ERC2: variants seen among roughly 807,000 people sequenced by gnomAD.
The protein encoded by ERC2 is ERC protein 2.
A neutral mutation model predicts 114.8 loss-of-function variants in ERC2; 42 were observed. The ratio of observed to expected loss-of-function variants is 0.37; its 90% CI spans 0.29 to 0.47. The LOEUF is 0.47. Among genes scored for constraint, ERC2 ranks in the 20% least tolerant of loss-of-function variants. The probability of loss-of-function intolerance (pLI) is 0.99; values close to 1 mark genes in which losing one functional copy is unlikely to be tolerated. For missense variants in ERC2, 939 were observed against 1,150.7 expected (o/e 0.82, Z 2.66); for synonymous variants, 454 against 425.5 (o/e 1.07, Z -0.82).
At chr3:55,599,231 T>C (rs2058290299) in intron 17 of ERC2, among the ~76,000 whole-genome samples, 1 of 152,216 alleles carries the variant, frequency 6.6e-6, no homozygotes, top group Non-Finnish European at 1.5e-5. Context: ...CAGCCACATC[T>C]TGCTATGGAC....
chr3:56,336,974 A>C (rs2057880276), intron 2 of ERC2, among the ~76,000 whole-genome samples: 1 of 152,236 alleles, frequency 6.6e-6, no homozygotes. Context: ...TTAGAAAAAC[A>C]TATGAATATT....
intron 12 of ERC2, among the ~76,000 whole-genome samples, chr3:55,951,414 G>C (rs1428395763): frequency 1.3e-5 from 2 of 152,140 alleles, no homozygotes; most frequent in African/African-American, 4.8e-5. Context: ...ACTTCTTAAT[G>C]AATCTACAGG....
chr3:56,321,616 G>A (rs992884222), intron 2 of ERC2, among the ~76,000 whole-genome samples: 6 of 152,202 alleles, frequency 3.9e-5, no homozygotes, highest in African/African-American at 1.4e-4. Flanking sequence ...TGCCTTATTT[G>A]GTCTATCCTG....
chr3:56,433,192 AAGAGAG>A (rs35806370), intron 2 of ERC2, among the ~76,000 whole-genome samples: 40 of 137,748 alleles, frequency 2.9e-4, no homozygotes, highest in African/African-American at 5.0e-4. Flanking sequence ...AAAAAAAAAA[AAGAGAG>A]AGAGAGAGAG....
At chr3:56,100,035 C>G (rs2078269328) in intron 6 of ERC2, among the ~76,000 whole-genome samples, 2 of 152,068 alleles carry the variant, frequency 1.3e-5, no homozygotes, top group Admixed American at 1.3e-4. Flanking sequence ...TCCAAAGTAA[C>G]ATAAATTTGG....
At chr3:55,828,472 C>CAGGCGCAGCAGGGGCAGCAGGGGCAGG (rs1355338916) in intron 14 of ERC2, among the ~76,000 whole-genome samples, 17 of 151,070 alleles carry the variant, frequency 1.1e-4, no homozygotes, top group Non-Finnish European at 1.2e-4. Flanking sequence ...GCAGGGGCAG[C>CAGGCGCAGCAGGGGCAGCAGGGGCAGG]AGGGGCAGCA....
chr3:56,428,315 G>A (rs984187925), intron 2 of ERC2, among the ~76,000 whole-genome samples: 6 of 152,088 alleles, frequency 3.9e-5, no homozygotes, highest in African/African-American at 1.2e-4. Flanking sequence ...GAGGTCAGGA[G>A]TTCATGACCA....
chr3:56,334,800 T>C (rs2057778106), intron 2 of ERC2, among the ~76,000 whole-genome samples: 1 of 129,540 alleles, frequency 7.7e-6, no homozygotes, highest in Admixed American at 7.2e-5. Flanking sequence ...AATCTATTTA[T>C]TTGTTTGTTT....
intron 14 of ERC2, among the ~76,000 whole-genome samples, chr3:55,879,513 A>C (rs1400783939): frequency 6.6e-6 from 1 of 152,132 alleles, no homozygotes; most frequent in Admixed American, 6.5e-5. Flanking sequence ...CAGCACAAAG[A>C]GATTTTCAGG....
chr3:55,981,734 A>G (rs112737649), intron 12 of ERC2, among the ~76,000 whole-genome samples: 1,733 of 152,282 alleles, frequency 0.011, 30 homozygotes, highest in African/African-American at 0.039. Flanking sequence ...CAAGCATTCG[A>G]CTTGATAGAA....
chr3:56,406,038 G>A (rs544666204), intron 2 of ERC2, among the ~76,000 whole-genome samples: 60 of 151,792 alleles, frequency 4.0e-4, no homozygotes, highest in Non-Finnish European at 6.6e-4. Context: ...GACTACAAGC[G>A]CGTGCCACCA....
intron 2 of ERC2, among the ~76,000 whole-genome samples, chr3:56,357,876 C>T (rs1423597169): frequency 6.6e-6 from 1 of 151,092 alleles, no homozygotes; most frequent in Non-Finnish European, 1.5e-5. Context: ...CCATTTATGG[C>T]CCCCACTCCA....
At chr3:55,748,208 A>G (rs1010814403) in intron 14 of ERC2, among the ~76,000 whole-genome samples, 5 of 152,246 alleles carry the variant, frequency 3.3e-5, no homozygotes, top group African/African-American at 1.2e-4. Context: ...GGAACATTTC[A>G]GATATGAAAT....
intron 2 of ERC2, among the ~76,000 whole-genome samples, chr3:56,404,632 T>C (rs953376523): frequency 2.6e-5 from 4 of 152,230 alleles, no homozygotes; most frequent in East Asian, 1.9e-4. Flanking sequence ...ATTTTACACG[T>C]GATTATTATG....
At chr3:56,251,288 T>C (rs962329414) in intron 3 of ERC2, among the ~76,000 whole-genome samples, 3 of 152,212 alleles carry the variant, frequency 2.0e-5, no homozygotes, top group African/African-American at 7.2e-5. Flanking sequence ...TAAGACATTA[T>C]CAGTATTGTT....
intron 14 of ERC2, among the ~76,000 whole-genome samples, chr3:55,769,163 T>A (rs1304145339): frequency 1.3e-5 from 2 of 152,166 alleles, no homozygotes; most frequent in Non-Finnish European, 2.9e-5. Context: ...GGTAAATATA[T>A]ACCAAATGAA....
At chr3:55,858,153 G>A (rs1270919544) in intron 14 of ERC2, among the ~76,000 whole-genome samples, 2 of 152,004 alleles carry the variant, frequency 1.3e-5, no homozygotes, top group African/African-American at 4.8e-5. Context: ...TTAAAAAGGA[G>A]ACATACGCTA....
chr3:55,537,154 G>T (rs111363187), intron 17 of ERC2, among the ~76,000 whole-genome samples: 1 of 152,182 alleles, frequency 6.6e-6, no homozygotes, highest in Non-Finnish European at 1.5e-5. Flanking sequence ...CACCGACACC[G>T]GTAACTCACT....
At chr3:55,866,895 A>G (rs754611331) in intron 14 of ERC2, among the ~76,000 whole-genome samples, 1 of 152,124 alleles carries the variant, frequency 6.6e-6, no homozygotes, top group Non-Finnish European at 1.5e-5. Context: ...AATTCCCCCA[A>G]AATTGATTTT....
Sources: gnomAD v4.1 joint callset for allele counts (sites outside exome capture counted in the v4.1 genomes callset) on GRCh38, gnomAD v4.1.1 for gene constraint, MANE v1.5 for transcripts, NCBI Gene and HGNC (gene_info 2026-07-23, HGNC 2026-07-21) for gene names.